Variants in ACSS3 observed in about 807,000 individuals in gnomAD.
ACSS3 encodes acyl-CoA synthetase short chain family member 3.
Under a neutral mutation model 84.2 loss-of-function variants are expected in ACSS3, and 64 were observed. The observed-to-expected ratio is 0.76, with a 90% CI of 0.62 to 0.94. The LOEUF is 0.94. Ranked by LOEUF, ACSS3 falls within the 40% of genes least tolerant of loss-of-function variation. ACSS3 has a pLI of 0.00. For missense variants in ACSS3, 815 were observed against 867.6 expected, an observed-to-expected ratio of 0.94 and a Z score of 0.76; for synonymous variants, 317 against 310.1, an observed-to-expected ratio of 1.02 and a Z score of -0.23.
At chr12:81,140,679 CT>C (rs1167699950) in intron 4 of ACSS3, among the ~76,000 whole-genome samples, 1 of 152,206 alleles carries the variant, frequency 6.6e-6, no homozygotes, top group African/African-American at 2.4e-5. Flanking sequence ...ACCTCAAGCA[CT>C]TTTTTTAAAA....
intron 13 of ACSS3, 53 bp from the exon 14 acceptor site, chr12:81,253,254 A>G: frequency 6.7e-7 from 1 of 1,488,622 alleles, no homozygotes; most frequent in Non-Finnish European, 9.4e-7. Flanking sequence ...TATGTTGAAT[A>G]TACATATATG....
rs369348547 is a variant in ACSS3 at position 81,119,647 on chromosome 12, G to C, written c.456+9943G>C. Among the ~76,000 whole-genome samples the C allele has an allele frequency of 9.9e-5, 15 of 152,108 alleles. No individual in the cohort carries two copies. The South Asian group carries it at 1.2e-3, about 13-fold the overall frequency. ...TCAGTGATATCTTCCCTACTTGCAC[G>C]TCCATTTATAGGCTGTCTATGCTAT... On this transcript the variant is annotated intron_variant, in intron 2 of 15. Transcript: ENST00000548058.
At chr12:81,203,238 C>A (rs1159125310) in intron 9 of ACSS3, among the ~76,000 whole-genome samples, 1 of 152,122 alleles carries the variant, frequency 6.6e-6, no homozygotes, top group East Asian at 1.9e-4. Flanking sequence ...ACACATTCAC[C>A]TTTCCTCTAT....
intron 1 of ACSS3, among the ~76,000 whole-genome samples, chr12:81,092,607 C>CAAAAA: frequency 6.6e-6 from 1 of 152,028 alleles, no homozygotes; most frequent in South Asian, 2.1e-4. Context: ...CTTTGTGCAG[C>CAAAAA]CTCTCATTTT....
chr12:81,176,893 T>C (rs2030521764), intron 8 of ACSS3, among the ~76,000 whole-genome samples: 1 of 152,098 alleles, frequency 6.6e-6, no homozygotes, highest in Admixed American at 6.5e-5. Flanking sequence ...GTATTCCTAA[T>C]GAACATAGAT....
chr12:81,152,162 G>A (rs1886642925), intron 7 of ACSS3, 66 bp downstream of exon 7: 1 of 1,356,956 alleles, frequency 7.4e-7, no homozygotes, highest in East Asian at 2.5e-5. Flanking sequence ...TCATGAAGCA[G>A]TCCTGAGTAG....
At chr12:81,210,225 G>A (rs1031974491) in intron 9 of ACSS3, among the ~76,000 whole-genome samples, 12 of 152,216 alleles carry the variant, frequency 7.9e-5, no homozygotes, top group African/African-American at 2.9e-4. Context: ...CCTAAGGGTC[G>A]TAGACAGATT....
At chr12:81,120,164 TA>T (rs1255641176) in intron 2 of ACSS3, among the ~76,000 whole-genome samples, 2 of 152,204 alleles carry the variant, frequency 1.3e-5, no homozygotes, top group Non-Finnish European at 2.9e-5. Flanking sequence ...TTGACATAGT[TA>T]ATAATGAAAA....
chr12:81,229,479 C>A (rs926488278), intron 11 of ACSS3, among the ~76,000 whole-genome samples: 1 of 151,720 alleles, frequency 6.6e-6, no homozygotes, highest in African/African-American at 2.4e-5. Flanking sequence ...CTTAAAAAAT[C>A]GATGATTTTA....
At chr12:81,222,446 C>A (rs1381299580) in intron 11 of ACSS3, among the ~76,000 whole-genome samples, 3 of 151,980 alleles carry the variant, frequency 2.0e-5, no homozygotes, top group Non-Finnish European at 4.4e-5. Flanking sequence ...GCAAGAATTT[C>A]TTTTTGAAAC....
chr12:81,205,273 T>A (rs1195091203), intron 9 of ACSS3, among the ~76,000 whole-genome samples: 1 of 152,152 alleles, frequency 6.6e-6, no homozygotes, highest in Non-Finnish European at 1.5e-5. Context: ...TATTAAAATG[T>A]GTCAGGGCTG....
intron 7 of ACSS3, among the ~76,000 whole-genome samples, chr12:81,172,384 T>C (rs1209162115): frequency 1.3e-5 from 2 of 151,866 alleles, no homozygotes; most frequent in Non-Finnish European, 2.9e-5. Context: ...AAGTTTACAC[T>C]GATGTGTGCC....
chr12:81,235,819 T>G (rs930215442), intron 13 of ACSS3, among the ~76,000 whole-genome samples: 2 of 151,556 alleles, frequency 1.3e-5, no homozygotes, highest in Non-Finnish European at 3.0e-5. Flanking sequence ...CAGACTGATA[T>G]GTAACCTATG....
At chr12:81,139,098 A>G (rs746317217) in intron 3 of ACSS3, 33 bp from the exon 4 acceptor site, 1 of 1,599,704 alleles carries the variant, frequency 6.3e-7, no homozygotes, top group African/African-American at 1.3e-5. Flanking sequence ...ACATTGTTAA[A>G]GCTTTCTCTC....
At chr12:81,150,316 A>G (rs12316805) in intron 5 of ACSS3, among the ~76,000 whole-genome samples, 1 of 152,232 alleles carries the variant, frequency 6.6e-6, no homozygotes, top group South Asian at 2.1e-4. Flanking sequence ...CATGGACAGC[A>G]TATTGTCTAC....
intron 2 of ACSS3, among the ~76,000 whole-genome samples, chr12:81,127,545 A>G (rs1885184677): frequency 6.6e-6 from 1 of 152,224 alleles, no homozygotes; most frequent in Admixed American, 6.5e-5. Flanking sequence ...TGGAAATTAT[A>G]CATATTCTCA....
chr12:81,122,163 C>T (rs554071141), intron 2 of ACSS3, among the ~76,000 whole-genome samples: 1 of 152,068 alleles, frequency 6.6e-6, no homozygotes, highest in African/African-American at 2.4e-5. Context: ...GATCTCCTGA[C>T]CTCTTGATCT....
chr12:81,125,457 A>T (rs571857093), intron 2 of ACSS3: 1 of 152,014 alleles, frequency 6.6e-6, no homozygotes. Flanking sequence ...TATGTCTAAC[A>T]TTTTTGTCCA....
At chr12:81,147,789 C>G (rs1162414722) in intron 5 of ACSS3, among the ~76,000 whole-genome samples, 4 of 152,024 alleles carry the variant, frequency 2.6e-5, no homozygotes, top group Admixed American at 2.0e-4. Context: ...CTGCCATCAT[C>G]TGGTGATGGG....
Sources: gnomAD v4.1 joint callset for allele counts (sites outside exome capture counted in the v4.1 genomes callset) on GRCh38, gnomAD v4.1.1 for gene constraint, MANE v1.5 for transcripts, NCBI Gene and HGNC (gene_info 2026-07-23, HGNC 2026-07-21) for gene names.